Variants in USP40 observed in about 807,000 individuals in gnomAD.
USP40 encodes the protein ubiquitin specific peptidase 40, also known as ubiquitin carboxyl-terminal hydrolase 40.
In USP40, 143 loss-of-function variants were observed where a neutral mutation model predicts 166.2. That is an observed-to-expected ratio of 0.86 (90% CI 0.75 to 0.99). The LOEUF (loss-of-function observed/expected upper bound fraction) is 0.99, where lower values mean the gene tolerates loss of function less well. Ranked by LOEUF, USP40 falls within the 50% of genes least tolerant of loss-of-function variation. The pLI, the probability that USP40 is intolerant of heterozygous loss-of-function variation, is 0.00. For missense variants in USP40, 1,444 were observed against 1,479.7 expected, an observed-to-expected ratio of 0.98 and a Z score of 0.40; for synonymous variants, 498 against 524.0, an observed-to-expected ratio of 0.95 and a Z score of 0.68.
chr2:233,537,732 A>T (rs1379300405), intron 10 of USP40, among the ~76,000 whole-genome samples: 2 of 152,202 alleles, frequency 1.3e-5, no homozygotes, highest in Non-Finnish European at 2.9e-5. Context: ...TCACTAAAAA[A>T]TGGAGGTAAA....
intron 18 of USP40, among the ~76,000 whole-genome samples, chr2:233,514,608 A>G (rs1281538613): frequency 6.6e-6 from 1 of 152,180 alleles, no homozygotes; most frequent in Non-Finnish European, 1.5e-5. Context: ...GAAAGCACTA[A>G]AGGGCTTTGT....
chr2:233,521,134 A>T lies in USP40; in HGVS notation c.2202-20T>A, dbSNP rs1223549281. ...AACAAGCTGTAGGTAAAAAGAAAAGATCAGAAATTAATACCTTTCCTTAGG... is the reference window on the plus strand; with the variant it reads ...AACAAGCTGTAGGTAAAAAGAAAAGTTCAGAAATTAATACCTTTCCTTAGG... On this transcript the variant is annotated intron_variant, in intron 16 of 31. Transcript: ENST00000678225. The T allele has an allele frequency of 1.2e-6, 2 of 1,603,254 alleles. No individual in the cohort carries two copies. The highest frequency in any genetic ancestry group is 1.1e-5 in the South Asian group (1 of 89,642).
At chr2:233,512,777 TAAAAACAAAAA>T in intron 18 of USP40, 155 bp from the exon 19 acceptor site, 1 of 372,136 alleles carries the variant, frequency 2.7e-6, no homozygotes, top group South Asian at 1.0e-4. Context: ...TACAGAAAGC[TAAAAACAAAAA>T]CAAACCAAAA....
intron 4 of USP40, among the ~76,000 whole-genome samples, chr2:233,558,391 CAT>C (rs1459100002): frequency 6.8e-6 from 1 of 146,336 alleles, no homozygotes; most frequent in Admixed American, 6.7e-5. Context: ...AAACAAAAAA[CAT>C]GTGGCATATC....
At chr2:233,482,267 G>C (rs1314809079) in intron 30 of USP40, among the ~76,000 whole-genome samples, 1 of 151,986 alleles carries the variant, frequency 6.6e-6, no homozygotes, top group African/African-American at 2.4e-5. Context: ...GGGAGACTGA[G>C]GCAGAAGAGT....
intron 1 of USP40, among the ~76,000 whole-genome samples, chr2:233,566,339 A>C (rs2072154097): frequency 6.6e-6 from 1 of 152,198 alleles, no homozygotes; most frequent in South Asian, 2.1e-4. Context: ...AGCGCCTAGC[A>C]TAGGTACCAA....
chr2:233,529,489 C>T lies in USP40; in HGVS notation c.1495G>A (p.Val499Ile), dbSNP rs2068320912. 6.3e-7 allele frequency: 1 copy of T among 1,585,314 alleles called. No homozygotes were observed. The highest frequency in any genetic ancestry group is 8.6e-7 in the Non-Finnish European group (1 of 1,164,086). Reference sequence around the variant, plus strand: ...ATTTCATTCAGTAAATGACATGGAACCCCATATCTTGGATTAGCTCGAGCT... The same window carrying T: ...ATTTCATTCAGTAAATGACATGGAATCCCATATCTTGGATTAGCTCGAGCT... ...PEARANPRYG[V>I]PCHLLNEMDA... The change falls in exon 12 of 32, where the codon GTT (valine) becomes ATT (isoleucine). Residue 499 changes from valine to isoleucine, a missense_variant. Coordinates refer to ENST00000678225, the MANE Select transcript of USP40 (RefSeq NM_001365479.2).
rs1174243139 is a variant in USP40, at chr2:233,489,484, C to G, written c.3013-1G>C. ...CCAGGAAAGGAGGCAAGGTCATGGC[C>G]TAGAAAAAGAAACAGACATTTCTCC... On this transcript the variant is annotated splice_acceptor_variant, in intron 26 of 31. Transcript: ENST00000678225. LOFTEE classifies it high-confidence loss of function. 1.3e-6 allele frequency: 2 copies of G among 1,590,762 alleles called. No homozygotes were observed. Among genetic ancestry groups the G allele is most frequent in the East Asian group, 2.3e-5 (1 of 44,210 alleles).
intron 26 of USP40, 133 bp downstream of exon 26, chr2:233,491,034 C>A: frequency 1.2e-6 from 1 of 803,408 alleles, no homozygotes; most frequent in Non-Finnish European, 2.1e-6. Context: ...GTACTTACCA[C>A]TGAACATGGC....
chr2:233,529,370 C>T, intron 12 of USP40, 61 bp downstream of exon 12: 1 of 1,373,094 alleles, frequency 7.3e-7, no homozygotes, highest in South Asian at 1.3e-5. Flanking sequence ...ATGCTTAAGG[C>T]CTAAATCAGA....
chr2:233,521,050 T>C lies in USP40; in HGVS notation c.2266A>G (p.Asn756Asp), dbSNP rs776128557. The change falls in exon 17 of 32, where the codon AAT (asparagine) becomes GAT (aspartate). Residue 756 changes from asparagine to aspartate, a missense_variant. Coordinates refer to ENST00000678225, the MANE Select transcript of USP40 (RefSeq NM_001365479.2). ...MNEIDWLHVKNLCQLESEEKQ... is the reference protein window; with the variant it reads ...MNEIDWLHVKDLCQLESEEKQ... The stretch of plus-strand genomic sequence containing the variant: ...TCTTCAGATTCTAACTGGCATAAAT[T>C]TTTAACGTGGAGCCAGTCAATCTCA... 12 of 1,613,612 alleles carry C rather than the reference T, an allele frequency of 7.4e-6. No homozygotes were observed. The Admixed American group carries it at 2.0e-4, about 27-fold the overall frequency.
intron 28 of USP40, among the ~76,000 whole-genome samples, chr2:233,487,059 A>T (rs1361599066): frequency 6.6e-6 from 1 of 152,266 alleles, no homozygotes; most frequent in Non-Finnish European, 1.5e-5. Flanking sequence ...CAAAAGGGCA[A>T]AAGGCACTGT....
chr2:233,560,992 A>G lies in USP40; in HGVS notation c.268-1068T>C, dbSNP rs2071540591. 3 of 807,696 alleles carry G rather than the reference A, an allele frequency of 3.7e-6. No homozygotes were observed. In the South Asian group the frequency reaches 4.4e-5, roughly 12 times the overall value. The allele number at this position is 807,696 out of a possible 1,614,324, so 50.0% of individuals were successfully genotyped here. A position where few individuals can be genotyped will look rare whatever the true frequency, so the allele number is the denominator to read the frequency against. ...CTTGGAAAACTGATTCTTTCTCGGA[A>G]GGCAAATTCCATTACCCATAGGGTA... On this transcript the variant is annotated intron_variant, in intron 3 of 31. Transcript: ENST00000678225.
rs921345056 is a variant in USP40 at position 233,476,331 on chromosome 2, C to G, written c.*1061G>C. ...ACACCGTCTTCGGGATGCTGCTTTC[C>G]GCTAAGCTGCTGTCTGGGAAAGTCA... On this transcript the variant is annotated 3_prime_UTR_variant, in exon 32 of 32. Coordinates refer to ENST00000678225, the MANE Select transcript of USP40 (RefSeq NM_001365479.2). 3 of 152,388 alleles carry G rather than the reference C, an allele frequency of 2.0e-5. No homozygotes were observed. The highest frequency in any genetic ancestry group is 7.2e-5 in the African/African-American group (3 of 41,456). 9.4% of individuals were successfully genotyped at this position (152,388 alleles called of 1,614,324 possible).
chr2:233,552,280 A>G (rs537153845), intron 6 of USP40, among the ~76,000 whole-genome samples: 1 of 152,166 alleles, frequency 6.6e-6, no homozygotes, highest in Non-Finnish European at 1.5e-5. Flanking sequence ...TTTTCAAACA[A>G]GCTCTAAAAA....
intron 31 of USP40, among the ~76,000 whole-genome samples, chr2:233,477,917 C>T (rs990788727): frequency 2.6e-5 from 4 of 152,266 alleles, no homozygotes; most frequent in Non-Finnish European, 5.9e-5. Flanking sequence ...CAGTCTTGCC[C>T]GGAGAGACAG....
At position 233,523,455 on chromosome 2, in the gene USP40, C is replaced by A. The variant is rs1180320508; in HGVS notation, c.1916G>T (p.Cys639Phe). 1.2e-6 allele frequency: 2 copies of A among 1,613,812 alleles called. No homozygotes were observed. The highest frequency in any genetic ancestry group is 1.7e-6 in the Non-Finnish European group (2 of 1,179,796). ...GGVHIQTGID[C>F]EPLLLNVLHL... is the part of the protein sequence containing the mutation. ...AAGAACATTTAAAAGTAGAGGTTCG[C>A]AGTCAATACCAGTTTGAATGTGGAC... The change falls in exon 16 of 32, where the codon TGC (cysteine) becomes TTC (phenylalanine). Residue 639 changes from cysteine to phenylalanine, a missense_variant. Physicochemically the swap from Cys to Phe is radical, Grantham distance 205. Transcript: ENST00000678225.
intron 2 of USP40, among the ~76,000 whole-genome samples, chr2:233,563,243 G>A (rs994765772): frequency 1.3e-5 from 2 of 152,090 alleles, no homozygotes; most frequent in African/African-American, 4.8e-5. Context: ...GTGTGAAAAT[G>A]TCTTTTCCGT....
chr2:233,561,013 G>A lies in USP40; in HGVS notation c.268-1089C>T, dbSNP rs1162220531. ...CGGAAGGCAAATTCCATTACCCATA[G>A]GGTATAGGCCAAGTCACTTTCTGGA... On this transcript the variant is annotated intron_variant, in intron 3 of 31. Transcript: ENST00000678225. 3 of 966,468 alleles carry A rather than the reference G, an allele frequency of 3.1e-6. No individual in the cohort carries two copies. The Admixed American group carries it at 6.0e-5, about 19-fold the overall frequency. The allele number at this position is 966,468 out of a possible 1,614,324, so 59.9% of individuals were successfully genotyped here.
Sources: gnomAD v4.1 joint callset for allele counts (sites outside exome capture counted in the v4.1 genomes callset) on GRCh38, gnomAD v4.1.1 for gene constraint, MANE v1.5 for transcripts, NCBI Gene and HGNC (gene_info 2026-07-23, HGNC 2026-07-21) for gene names.